Variants in FOXP1 observed in about 807,000 individuals in gnomAD.
FOXP1 encodes the protein forkhead box P1.
Under a neutral mutation model 98.2 loss-of-function variants are expected in FOXP1, and 15 were observed. That is an observed-to-expected ratio of 0.15 (90% confidence interval 0.10 to 0.24). The LOEUF (loss-of-function observed/expected upper bound fraction) is 0.24. FOXP1 is among the 10% of genes least tolerant of loss of function. The pLI is 1.00. For missense variants in FOXP1, 633 were observed against 848.5 expected (o/e 0.75, Z 3.15); for synonymous variants, 371 against 314.5 (o/e 1.18, Z -1.90).
intron 3 of FOXP1, among the ~76,000 whole-genome samples, chr3:71,393,947 G>A (rs532119835): frequency 1.1e-4 from 16 of 152,188 alleles, no homozygotes; most frequent in East Asian, 9.7e-4. Context: ...CTCCAGCCTC[G>A]GCCTCCCAAA....
At chr3:71,296,451 T>C (rs2073305486) in intron 5 of FOXP1, 1 of 152,234 alleles carries the variant, frequency 6.6e-6, no homozygotes, top group African/African-American at 2.4e-5. Context: ...TCTTTCTAGA[T>C]AAGAGATCAA....
At chr3:71,310,628 C>T (rs181356477) in intron 4 of FOXP1, among the ~76,000 whole-genome samples, 23 of 152,326 alleles carry the variant, frequency 1.5e-4, no homozygotes, top group Middle Eastern at 3.4e-3. Flanking sequence ...CTCCATGTTC[C>T]GGGATGAGAC....
chr3:71,525,316 C>A (rs895185453), intron 2 of FOXP1, among the ~76,000 whole-genome samples: 1 of 152,112 alleles, frequency 6.6e-6, no homozygotes, highest in African/African-American at 2.4e-5. Context: ...AAGACAGCAA[C>A]GAAAATTATG....
chr3:71,092,978 A>T (rs2056047402), intron 7 of FOXP1, among the ~76,000 whole-genome samples: 1 of 152,210 alleles, frequency 6.6e-6, no homozygotes, highest in African/African-American at 2.4e-5. Flanking sequence ...AAGGCAAAAA[A>T]GCTCAGGCGT....
In FOXP1 at chr3:71,232,437, T is replaced by G. The variant is rs563057335; in HGVS notation, c.-11-34045A>C. 1.7e-3 allele frequency among the ~76,000 whole-genome samples: 258 copies of G among 152,300 alleles called. 2 individuals are homozygous for G. Among genetic ancestry groups the G allele is most frequent in the African/African-American group, 5.8e-3 (240 of 41,564 alleles). On this transcript the variant is annotated intron_variant, in intron 5 of 20. Coordinates refer to ENST00000649528, the MANE Select transcript of FOXP1 (RefSeq NM_001349338.3). The stretch of plus-strand genomic sequence containing the variant: ...AGTTATTCTACCCATCTGCTAGCTG[T>G]CACTCTACAGGACCCCTCAACTGAT...
chr3:71,043,613 A>G (rs150283786), intron 10 of FOXP1, among the ~76,000 whole-genome samples: 39 of 152,340 alleles, frequency 2.6e-4, no homozygotes, highest in Admixed American at 7.2e-4. Context: ...ACACAAGTCA[A>G]CATCTATTTT....
rs182900783 is a variant in FOXP1, at chr3:71,032,965, T to C, written c.869+8363A>G. On this transcript the variant is annotated intron_variant, in intron 11 of 20. Transcript: ENST00000649528. ...TTCTGTCTAATTTAAGTGGTGAAGG[T>C]GTGCAATTCAACAACAACTTTTTAT... Among the ~76,000 whole-genome samples, 5 of 152,252 alleles carry C rather than the reference T, an allele frequency of 3.3e-5. No individual in the cohort carries two copies. In the East Asian group the frequency reaches 9.7e-4, roughly 29 times the overall value.
At chr3:71,503,229 T>C (rs748345530) in intron 2 of FOXP1, among the ~76,000 whole-genome samples, 6 of 152,168 alleles carry the variant, frequency 3.9e-5, no homozygotes, top group Non-Finnish European at 8.8e-5. Flanking sequence ...TAGAGAGTTC[T>C]CTTGGTCTCC....
At chr3:71,274,759 C>A (rs1478789262) in intron 5 of FOXP1, among the ~76,000 whole-genome samples, 1 of 152,116 alleles carries the variant, frequency 6.6e-6, no homozygotes, top group African/African-American at 2.4e-5. Context: ...TGGGCAAAAT[C>A]AACAGTTTCT....
chr3:71,171,095 T>G (rs1171278015), intron 6 of FOXP1, among the ~76,000 whole-genome samples: 1 of 96,216 alleles, frequency 1.0e-5, no homozygotes, highest in Non-Finnish European at 2.5e-5. Context: ...AAATACACAC[T>G]CACTTTTTTT....
intron 6 of FOXP1, among the ~76,000 whole-genome samples, chr3:71,145,721 C>T (rs1294324535): frequency 6.6e-6 from 1 of 152,142 alleles, no homozygotes; most frequent in Non-Finnish European, 1.5e-5. Flanking sequence ...GTATCGCATC[C>T]TATTTTTTTC....
intron 5 of FOXP1, among the ~76,000 whole-genome samples, chr3:71,280,695 T>C (rs1046254030): frequency 6.6e-6 from 1 of 152,012 alleles, no homozygotes; most frequent in African/African-American, 2.4e-5. Context: ...GAGCTGCCTA[T>C]GGTAACTGGC....
intron 3 of FOXP1, among the ~76,000 whole-genome samples, chr3:71,422,855 C>A (rs2083770456): frequency 6.6e-6 from 1 of 152,042 alleles, no homozygotes; most frequent in African/African-American, 2.4e-5. Flanking sequence ...TCTGGGTACA[C>A]ACACACACAA....
chr3:71,301,988 C>T (rs564530929), intron 4 of FOXP1, among the ~76,000 whole-genome samples: 7 of 152,070 alleles, frequency 4.6e-5, no homozygotes, highest in Non-Finnish European at 7.4e-5. Context: ...TAAAACAATA[C>T]GAAACTGACT....
chr3:71,281,146 C>T (rs2071515540), intron 5 of FOXP1, among the ~76,000 whole-genome samples: 1 of 151,566 alleles, frequency 6.6e-6, no homozygotes, highest in African/African-American at 2.4e-5. Context: ...AGAGGATCAC[C>T]TGAGCCCAGG....
At chr3:71,256,793 T>C (rs916236594) in intron 5 of FOXP1, among the ~76,000 whole-genome samples, 1 of 152,204 alleles carries the variant, frequency 6.6e-6, no homozygotes, top group African/African-American at 2.4e-5. Context: ...ATATGGGACT[T>C]AGACTAGGCC....
At chr3:71,046,677 C>T (rs1045833707) in intron 10 of FOXP1, among the ~76,000 whole-genome samples, 11 of 152,164 alleles carry the variant, frequency 7.2e-5, no homozygotes, top group African/African-American at 1.9e-4. Context: ...TGAAAAGTAG[C>T]GCCTCATTCT....
rs549364582 is a variant in FOXP1 at position 71,016,468 on chromosome 3, T to C, written c.870-815A>G. On this transcript the variant is annotated intron_variant, in intron 11 of 20. Coordinates refer to ENST00000649528, the MANE Select transcript of FOXP1 (RefSeq NM_001349338.3). ...TATTATATTTCTGCATCCAGACTTC[T>C]TTCAGACAAATTATTTTTACAGTTG... 7.2e-5 allele frequency among the ~76,000 whole-genome samples: 11 copies of C among 152,182 alleles called. 1 individual carries two copies. The South Asian group carries it at 2.3e-3, about 31-fold the overall frequency.
At chr3:71,030,560 G>A (rs1309193916) in intron 11 of FOXP1, among the ~76,000 whole-genome samples, 2 of 152,202 alleles carry the variant, frequency 1.3e-5, no homozygotes, top group South Asian at 2.1e-4. Flanking sequence ...AGGACAGGCT[G>A]TGGAGCTCAC....
Sources: gnomAD v4.1 joint callset for allele counts (sites outside exome capture counted in the v4.1 genomes callset) on GRCh38, gnomAD v4.1.1 for gene constraint, MANE v1.5 for transcripts, NCBI Gene and HGNC (gene_info 2026-07-23, HGNC 2026-07-21) for gene names.